Variants in AHRR observed in about 807,000 individuals in gnomAD.
The protein encoded by AHRR is ahR repressor.
A neutral mutation model predicts 44.0 loss-of-function variants in AHRR; 28 were observed. The observed-to-expected ratio is 0.64, with a 90% CI of 0.47 to 0.87. The LOEUF (loss-of-function observed/expected upper bound fraction) is 0.87, where lower values mean the gene tolerates loss of function less well. Among genes scored for constraint, AHRR ranks in the 40% least tolerant of loss-of-function variants. The probability of loss-of-function intolerance (pLI) is 0.00; values close to 1 mark genes in which losing one functional copy is unlikely to be tolerated. For missense variants in AHRR, 990 were observed against 953.9 expected, an observed-to-expected ratio of 1.04 and a Z score of -0.50; for synonymous variants, 434 against 407.0, an observed-to-expected ratio of 1.07 and a Z score of -0.80.
In AHRR at chr5:434,608, A is replaced by G. The variant is rs779190138; in HGVS notation, c.1868A>G (p.Asp623Gly). 1.1e-5 allele frequency: 17 copies of G among 1,564,620 alleles called. No individual in the cohort carries two copies. Among genetic ancestry groups the G allele is most frequent in the Non-Finnish European group, 1.4e-5 (16 of 1,154,680 alleles). Residue 623 changes from aspartate (D) to glycine (G), a missense_variant, in exon 11 of 11, where the codon GAC becomes GGC. By Grantham distance (94) the Asp-to-Gly change is moderately conservative. Transcript: ENST00000684583. ...PAHCACLEPT[D>G]GLPQSEPPHQ... ...CACTGTGCCTGCCTGGAGCCCACAGACGGCCTTCCCCAGTCGGAGCCTCCC... is the reference window on the plus strand; with the variant it reads ...CACTGTGCCTGCCTGGAGCCCACAGGCGGCCTTCCCCAGTCGGAGCCTCCC...
chr5:414,739 A>G (rs1735640742), intron 5 of AHRR, among the ~76,000 whole-genome samples: 1 of 152,276 alleles, frequency 6.6e-6, no homozygotes, highest in Non-Finnish European at 1.5e-5. Context: ...AAAAAAGAAC[A>G]GGTATGTTTG....
intron 3 of AHRR, among the ~76,000 whole-genome samples, chr5:374,346 G>A (rs1279997347): frequency 6.6e-6 from 1 of 152,246 alleles, no homozygotes; most frequent in Non-Finnish European, 1.5e-5. Context: ...TCTGCACTTG[G>A]GAGAAAGATC....
chr5:409,924 T>C (rs1182829974), intron 4 of AHRR, among the ~76,000 whole-genome samples: 3 of 152,200 alleles, frequency 2.0e-5, no homozygotes, highest in Non-Finnish European at 4.4e-5. Context: ...GTGTCTGTTG[T>C]AGGTCTTGAG....
chr5:432,336 C>T, intron 8 of AHRR, 127 bp from the exon 9 acceptor site: 1 of 833,980 alleles, frequency 1.2e-6, no homozygotes, highest in Non-Finnish European at 2.0e-6. Context: ...ACTATTGTTT[C>T]TGTCTTCACT....
chr5:322,549 G>A (rs920445127), intron 1 of AHRR: 4 of 151,996 alleles, frequency 2.6e-5, no homozygotes, highest in African/African-American at 9.7e-5. Flanking sequence ...TCGTCTGCGG[G>A]GTTCTTGCAG....
Position 406,461 on chromosome 5 carries a change from G to A in AHRR, c.352-6883G>A, listed in dbSNP as rs1735264565. On this transcript the variant is annotated intron_variant, in intron 4 of 10. Coordinates refer to ENST00000684583, the MANE Select transcript of AHRR (RefSeq NM_001377236.1). The surrounding 1 kb of genome is among the most constrained non-coding windows in gnomAD (Gnocchi z 4.7). ...AACATAATCATAATTGCATTGGTAAGGAAGAACAGGAAGTTGTCTCAAAAT... is the reference window on the plus strand; with the variant it reads ...AACATAATCATAATTGCATTGGTAAAGAAGAACAGGAAGTTGTCTCAAAAT... Among the ~76,000 whole-genome samples, 1 of 152,222 alleles carries A rather than the reference G, an allele frequency of 6.6e-6. No homozygotes were observed. Among genetic ancestry groups the A allele is most frequent in the Non-Finnish European group, 1.5e-5 (1 of 68,036 alleles).
intron 3 of AHRR, chr5:367,737 C>T (rs1743412009): frequency 7.7e-6 from 5 of 649,872 alleles, no homozygotes; most frequent in Admixed American, 4.4e-5. Context: ...CCCTCTGCTG[C>T]TCGTTCTCTC....
At chr5:429,481 G>GCCCTGCCCCTGC (rs200036919) in intron 8 of AHRR, among the ~76,000 whole-genome samples, 9,877 of 152,254 alleles carry the variant, frequency 0.065, 389 homozygotes, top group East Asian at 0.12. Context: ...GTCTGGGCCG[G>GCCCTGCCCCTGC]CCCTGCCCCT....
chr5:375,189 G>C (rs1460311256), intron 3 of AHRR, among the ~76,000 whole-genome samples: 1 of 152,250 alleles, frequency 6.6e-6, no homozygotes, highest in African/African-American at 2.4e-5. Context: ...CCCACCCTGA[G>C]TGAGACATTA....
rs929092799 is a variant in AHRR at position 405,015 on chromosome 5, C to T, written c.352-8329C>T. 2.6e-5 allele frequency among the ~76,000 whole-genome samples: 4 copies of T among 152,104 alleles called. No individual in the cohort carries two copies. The highest frequency in any genetic ancestry group is 7.2e-5 in the African/African-American group (3 of 41,408). On this transcript the variant is annotated intron_variant, in intron 4 of 10. Coordinates refer to ENST00000684583, the MANE Select transcript of AHRR (RefSeq NM_001377236.1). This position sits in a 1 kb window ranked among gnomAD's most constrained non-coding sequence, Gnocchi z 4.5. The stretch of plus-strand genomic sequence containing the variant: ...TAGTGATTTCCTTTCTGTGGATCAT[C>T]CCATGGGCACATTGGATCCTTTATT...
At chr5:424,322 G>C (rs559799478) in intron 7 of AHRR, among the ~76,000 whole-genome samples, 3 of 150,028 alleles carry the variant, frequency 2.0e-5, no homozygotes, top group African/African-American at 7.4e-5. Context: ...TGGTGGGTGG[G>C]AGAGGGCTGG....
intron 8 of AHRR, among the ~76,000 whole-genome samples, chr5:431,202 C>T (rs1379555722): frequency 6.6e-6 from 1 of 152,186 alleles, no homozygotes; most frequent in African/African-American, 2.4e-5. Flanking sequence ...TGGGGTGGAG[C>T]GTAGGTGTGG....
intron 5 of AHRR, among the ~76,000 whole-genome samples, chr5:420,467 C>G (rs1423098453): frequency 1.3e-5 from 2 of 152,214 alleles, no homozygotes; most frequent in Non-Finnish European, 2.9e-5. Context: ...TGCAGTTGAA[C>G]GGAGGTGGGG....
chr5:373,272 C>G (rs1298558768), intron 3 of AHRR, among the ~76,000 whole-genome samples: 2 of 152,252 alleles, frequency 1.3e-5, no homozygotes, highest in Admixed American at 6.5e-5. Flanking sequence ...CCGGCTGGGT[C>G]TCATCTGACA....
chr5:347,378 C>T (rs537915529), intron 2 of AHRR, among the ~76,000 whole-genome samples: 3 of 152,280 alleles, frequency 2.0e-5, no homozygotes, highest in East Asian at 3.9e-4. Context: ...TTGAATTTGT[C>T]GATCTTTACT....
chr5:351,665 C>T (rs1291852384), intron 2 of AHRR, among the ~76,000 whole-genome samples: 1 of 152,184 alleles, frequency 6.6e-6, no homozygotes, highest in Non-Finnish European at 1.5e-5. Flanking sequence ...GTGAGGTTTG[C>T]ACGGCTTAGC....
chr5:410,771 G>C (rs1352696146), intron 4 of AHRR, among the ~76,000 whole-genome samples: 1 of 152,050 alleles, frequency 6.6e-6, no homozygotes, highest in Non-Finnish European at 1.5e-5. Flanking sequence ...TTTTTGATTG[G>C]AGCCTGGAGT....
intron 5 of AHRR, among the ~76,000 whole-genome samples, chr5:414,903 C>T (rs913614781): frequency 6.6e-5 from 10 of 152,208 alleles, no homozygotes; most frequent in African/African-American, 1.9e-4. Flanking sequence ...GGCTCAGCAA[C>T]GAAGGACTAA....
In AHRR at chr5:326,097, C is replaced by T. The variant is rs942305955; in HGVS notation, c.-11+4278C>T. On this transcript the variant is annotated intron_variant, in intron 1 of 10. Coordinates refer to ENST00000684583, the MANE Select transcript of AHRR (RefSeq NM_001377236.1). This position sits in a 1 kb window ranked among gnomAD's most constrained non-coding sequence, Gnocchi z 4.1. ...TGCGGCCGGCCTCTTTGTATTTTCT[C>T]GTTGAGGCAAAATGCACATAACATC... is the stretch of plus-strand genomic sequence containing the variant. 4.6e-5 allele frequency among the ~76,000 whole-genome samples: 7 copies of T among 152,176 alleles called. No individual in the cohort carries two copies. Among genetic ancestry groups the T allele is most frequent in the Non-Finnish European group, 1.0e-4 (7 of 68,028 alleles).
Sources: allele counts gnomAD v4.1 joint callset (sites outside exome capture counted in the v4.1 genomes callset), GRCh38; gene constraint gnomAD v4.1.1; non-coding constraint Gnocchi (gnomAD v3.1); transcripts MANE v1.5; gene names NCBI Gene and HGNC (gene_info 2026-07-23, HGNC 2026-07-21).